The following ZNF644 variants were observed in gnomAD, a reference collection of about 807,000 sequenced individuals.
The protein encoded by ZNF644 is zinc finger protein 644.
Under a neutral mutation model 108.0 loss-of-function variants are expected in ZNF644, and 20 were observed. That is an observed-to-expected ratio of 0.19 (90% confidence interval 0.13 to 0.27). The LOEUF (loss-of-function observed/expected upper bound fraction) is 0.27, where lower values mean the gene tolerates loss of function less well. Among genes scored for constraint, ZNF644 ranks in the 10% least tolerant of loss-of-function variants. The pLI is 1.00. For synonymous variants in ZNF644, 542 were observed against 539.1 expected (o/e 1.01, Z -0.08); for missense variants, 1,338 against 1,548.9 (o/e 0.86, Z 2.29).
At chr1:90,924,895 G>A (rs1303377872) in intron 4 of ZNF644, among the ~76,000 whole-genome samples, 2 of 152,020 alleles carry the variant, frequency 1.3e-5, no homozygotes, top group Non-Finnish European at 2.9e-5. Context: ...TCTGCAGTAA[G>A]TGAGGAACTA....
At chr1:90,918,266 C>A in intron 4 of ZNF644, 112 bp from the exon 5 acceptor site, 1 of 856,448 alleles carries the variant, frequency 1.2e-6, no homozygotes, top group South Asian at 1.4e-5. Flanking sequence ...AGAAAAAGTC[C>A]GCATTCATTT....
intron 2 of ZNF644, among the ~76,000 whole-genome samples, chr1:90,966,804 G>A (rs10489799): frequency 0.11 from 17,085 of 151,072 alleles, 1,031 homozygotes; most frequent in South Asian, 0.16. Flanking sequence ...GGACTAGTAG[G>A]CATTTTGGGA....
intron 1 of ZNF644, among the ~76,000 whole-genome samples, chr1:90,983,481 CAA>C (rs768476839): frequency 6.8e-4 from 43 of 63,392 alleles, no homozygotes; most frequent in East Asian, 1.9e-3. Flanking sequence ...CCTCATATGG[CAA>C]AAAAAAAAAA....
chr1:90,968,093 A>T (rs1193208745), intron 2 of ZNF644, among the ~76,000 whole-genome samples: 3 of 148,232 alleles, frequency 2.0e-5, no homozygotes, highest in Non-Finnish European at 4.5e-5. Context: ...ATCCAAGCTT[A>T]TTTTAATATT....
chr1:90,982,193 C>T (rs1001439143), intron 2 of ZNF644, 117 bp downstream of exon 2: 5 of 836,632 alleles, frequency 6.0e-6, no homozygotes, highest in African/African-American at 1.7e-5. Context: ...ATTTGCATTT[C>T]AAAATTTTAT....
In ZNF644 at chr1:90,977,417, T is replaced by A. The variant is rs568429312; in HGVS notation, c.44+4893A>T. Among the ~76,000 whole-genome samples, 19 of 152,310 alleles carry A rather than the reference T, an allele frequency of 1.2e-4. No individual in the cohort carries two copies. In the South Asian group the frequency reaches 3.9e-3, roughly 32 times the overall value. On this transcript the variant is annotated intron_variant, in intron 2 of 5. Transcript: ENST00000337393. Reference sequence around the variant, plus strand: ...TACCTAAAACACAAAGGTATGTTAATTGATGGAACTGATGGACTTAACAGT... The same window carrying A: ...TACCTAAAACACAAAGGTATGTTAAATGATGGAACTGATGGACTTAACAGT...
At chr1:90,960,215 G>GA (rs535473527) in intron 2 of ZNF644, among the ~76,000 whole-genome samples, 141 of 151,800 alleles carry the variant, frequency 9.3e-4, no homozygotes, top group South Asian at 8.5e-3. Flanking sequence ...AATAAGAAGA[G>GA]AAAAAAAATG....
chr1:90,927,497 C>T (rs1431495408), intron 4 of ZNF644, among the ~76,000 whole-genome samples: 2 of 152,248 alleles, frequency 1.3e-5, no homozygotes, highest in East Asian at 1.9e-4. Context: ...ATAAGAACAA[C>T]ATTTTGGAGC....
chr1:90,922,244 A>C (rs1649530837), intron 4 of ZNF644, among the ~76,000 whole-genome samples: 1 of 152,160 alleles, frequency 6.6e-6, no homozygotes, highest in South Asian at 2.1e-4. Flanking sequence ...AATAACTTAA[A>C]AGTCTTGTTT....
At chr1:90,946,521 AAAT>A (rs779837491) in intron 2 of ZNF644, among the ~76,000 whole-genome samples, 1 of 152,160 alleles carries the variant, frequency 6.6e-6, no homozygotes, top group Non-Finnish European at 1.5e-5. Flanking sequence ...ACATTATTTG[AAAT>A]AATGAGCAAA....
chr1:91,021,781 G>C (rs951634605), intron 1 of ZNF644: 1 of 377,606 alleles, frequency 2.6e-6, no homozygotes, highest in Non-Finnish European at 4.7e-6. Flanking sequence ...CCGCCTCCTC[G>C]GCCGCCGCCG....
chr1:90,980,841 C>A (rs1407359492), intron 2 of ZNF644, among the ~76,000 whole-genome samples: 1 of 152,104 alleles, frequency 6.6e-6, no homozygotes, highest in Non-Finnish European at 1.5e-5. Flanking sequence ...GCACAAGGAA[C>A]TTTCCAAAGT....
intron 4 of ZNF644, among the ~76,000 whole-genome samples, chr1:90,921,904 C>A (rs191267632): frequency 6.6e-6 from 1 of 152,194 alleles, no homozygotes; most frequent in African/African-American, 2.4e-5. Flanking sequence ...TGCCAAAGCA[C>A]TAAACCAGAT....
intron 4 of ZNF644, among the ~76,000 whole-genome samples, chr1:90,919,029 A>C (rs1256047986): frequency 6.6e-6 from 1 of 152,108 alleles, no homozygotes; most frequent in African/African-American, 2.4e-5. Context: ...CTGTTCTTGA[A>C]ATTTTTCCAT....
In ZNF644 at chr1:90,939,521, T is replaced by G. The variant is rs142729817; in HGVS notation, c.1833A>C (p.Ser611=). 1.0e-4 allele frequency: 164 copies of G among 1,613,856 alleles called. No individual in the cohort carries two copies. Among genetic ancestry groups the G allele is most frequent in the Non-Finnish European group, 1.3e-4 (157 of 1,179,942 alleles). The change falls in exon 3 of 6, where the codon TCA becomes TCC. Residue 611 remains serine, a synonymous_variant. Transcript: ENST00000337393. ...LKKHTEYLHS[S]SCVDSFGSPL... ...GACTACCAAATGAATCAACACATGA[T>G]GATGAATGCAAGTACTCCGTGTGCT...
intron 2 of ZNF644, among the ~76,000 whole-genome samples, chr1:90,958,404 A>G (rs1329834693): frequency 6.6e-6 from 1 of 152,098 alleles, no homozygotes; most frequent in Non-Finnish European, 1.5e-5. Flanking sequence ...AAATTCCCCC[A>G]AAGTGATCCC....
intron 1 of ZNF644, among the ~76,000 whole-genome samples, chr1:90,992,632 T>G (rs1055647697): frequency 1.3e-5 from 2 of 152,218 alleles, no homozygotes; most frequent in African/African-American, 4.8e-5. Context: ...AGTTCAGAAT[T>G]AAACATTGAA....
At chr1:90,986,860 C>A (rs936915987) in intron 1 of ZNF644, among the ~76,000 whole-genome samples, 4 of 151,522 alleles carry the variant, frequency 2.6e-5, no homozygotes, top group African/African-American at 9.7e-5. Context: ...AAACTAAACA[C>A]CAATAACAGA....
At chr1:90,991,969 G>GT (rs751009877) in intron 1 of ZNF644, among the ~76,000 whole-genome samples, 29 of 152,158 alleles carry the variant, frequency 1.9e-4, no homozygotes, top group South Asian at 8.3e-4. Flanking sequence ...AACAGAATAT[G>GT]TAGGACTGAA....
Sources: gnomAD v4.1 joint callset for allele counts (sites outside exome capture counted in the v4.1 genomes callset) on GRCh38, gnomAD v4.1.1 for gene constraint, MANE v1.5 for transcripts, NCBI Gene and HGNC (gene_info 2026-07-23, HGNC 2026-07-21) for gene names.